The following DIP2A variants were observed in gnomAD, a reference collection of about 807,000 sequenced individuals.
DIP2A encodes the protein DIP2 acetate--CoA ligase A.
DIP2A carries 85 observed loss-of-function variants against 177.4 expected under a neutral mutation model. That is an observed-to-expected ratio of 0.48 (90% CI 0.40 to 0.57). The LOEUF (loss-of-function observed/expected upper bound fraction) is 0.57. Ranked by LOEUF, DIP2A falls within the 20% of genes least tolerant of loss-of-function variation. The pLI, the probability that DIP2A is intolerant of heterozygous loss-of-function variation, is 0.00. For missense variants in DIP2A, 1,791 were observed against 2,100.2 expected, an observed-to-expected ratio of 0.85 and a Z score of 2.88; for synonymous variants, 886 against 881.8, an observed-to-expected ratio of 1.00 and a Z score of -0.08.
intron 3 of DIP2A, among the ~76,000 whole-genome samples, chr21:46,491,041 T>A (rs2056985651): frequency 6.6e-6 from 1 of 152,348 alleles, no homozygotes; most frequent in African/African-American, 2.4e-5. Flanking sequence ...TTGAAGTTGA[T>A]ACTAATAATT....
intron 16 of DIP2A, chr21:46,539,490 G>A (rs2059716338): frequency 9.3e-6 from 3 of 321,158 alleles, no homozygotes; most frequent in African/African-American, 2.2e-5. Flanking sequence ...CAGGCGCACC[G>A]CCACTCCGTG....
intron 1 of DIP2A, among the ~76,000 whole-genome samples, chr21:46,466,952 A>G (rs767823830): frequency 6.6e-6 from 1 of 152,190 alleles, no homozygotes; most frequent in Non-Finnish European, 1.5e-5. Context: ...TTTTATTTTT[A>G]GTAAAAAATA....
chr21:46,464,279 G>C (rs1158626537), intron 1 of DIP2A, among the ~76,000 whole-genome samples: 4 of 151,936 alleles, frequency 2.6e-5, no homozygotes, highest in African/African-American at 9.7e-5. Context: ...TGTAATCCCA[G>C]CTACTTGGGA....
rs923607317 is a variant in DIP2A, at chr21:46,557,449, A to AC, written c.3630-129dup. On this transcript the variant is annotated intron_variant, in intron 30 of 37. Coordinates refer to ENST00000417564, the MANE Select transcript of DIP2A (RefSeq NM_015151.4). The surrounding 1 kb of genome is among the most constrained non-coding windows in gnomAD (Gnocchi z 6.0). ...CACCCTGTGGCATGTTTTCCACCAA[A>AC]CCCCCCCACTTGGCGTCAGAACAGA... The AC allele has an allele frequency of 3.1e-5, 35 of 1,120,870 alleles. No homozygotes were observed. Among genetic ancestry groups the AC allele is most frequent in the East Asian group, 1.3e-4 (5 of 38,236 alleles). The allele number at this position is 1,120,870 out of a possible 1,614,324, so 69.4% of individuals were successfully genotyped here.
At chr21:46,495,249 TCTC>T (rs2057283888) in intron 3 of DIP2A, among the ~76,000 whole-genome samples, 4 of 89,790 alleles carry the variant, frequency 4.5e-5, no homozygotes, top group African/African-American at 7.1e-5. Context: ...CTTCTTTCTC[TCTC>T]TCTCTCTCTC....
intron 18 of DIP2A, among the ~76,000 whole-genome samples, chr21:46,542,125 A>T (rs1569075488): frequency 6.6e-6 from 1 of 152,156 alleles, no homozygotes; most frequent in East Asian, 1.9e-4. Context: ...ATACAAGTAA[A>T]AGATTTCTCA....
At chr21:46,565,974 C>T (rs912696810) in intron 36 of DIP2A, 87 bp downstream of exon 36, 1 of 1,468,456 alleles carries the variant, frequency 6.8e-7, no homozygotes, top group Non-Finnish European at 9.4e-7. Context: ...TAGCACACCT[C>T]ACTCCTTGCT....
chr21:46,475,467 T>C (rs1003033328), intron 1 of DIP2A, among the ~76,000 whole-genome samples: 1 of 152,220 alleles, frequency 6.6e-6, no homozygotes. Flanking sequence ...ATGAGTACTG[T>C]AGAAAATATG....
rs904462503 is a variant in DIP2A, at chr21:46,554,816, A to G, written c.3277-6A>G. ...GCCCACCCACCCTTGGCCCCTCGCCATGCAGGTCAGCAAGTCTGCATGCGT... is the reference window on the plus strand; with the variant it reads ...GCCCACCCACCCTTGGCCCCTCGCCGTGCAGGTCAGCAAGTCTGCATGCGT... On this transcript the variant is annotated splice_polypyrimidine_tract_variant and splice_region_variant and intron_variant, in intron 27 of 37. Coordinates refer to ENST00000417564, the MANE Select transcript of DIP2A (RefSeq NM_015151.4). 2 of 534,984 alleles carry G rather than the reference A, an allele frequency of 3.7e-6. No individual in the cohort carries two copies. Among genetic ancestry groups the G allele is most frequent in the Non-Finnish European group, 2.7e-6 (1 of 371,362 alleles). 33.1% of individuals were successfully genotyped at this position (534,984 alleles called of 1,614,324 possible). A position where few individuals can be genotyped will look rare whatever the true frequency, so the allele number is the denominator to read the frequency against.
At chr21:46,468,029 C>T (rs1010386676) in intron 1 of DIP2A, among the ~76,000 whole-genome samples, 3 of 151,556 alleles carry the variant, frequency 2.0e-5, no homozygotes, top group Non-Finnish European at 2.9e-5. Context: ...TTTGGGAGGC[C>T]GAGGTAGACG....
chr21:46,520,913 C>G (rs993144366), intron 8 of DIP2A, among the ~76,000 whole-genome samples: 2 of 152,044 alleles, frequency 1.3e-5, no homozygotes, highest in Admixed American at 6.5e-5. Context: ...GACCTAATAT[C>G]TAAAAGATTA....
chr21:46,549,492 C>T (rs1378238827), intron 21 of DIP2A, among the ~76,000 whole-genome samples: 1 of 152,172 alleles, frequency 6.6e-6, no homozygotes, highest in East Asian at 1.9e-4. Context: ...AGGAAATTTA[C>T]ATCAGATTAA....
chr21:46,554,941 T>A lies in DIP2A; in HGVS notation c.3388+8T>A. On this transcript the variant is annotated splice_region_variant and intron_variant, in intron 28 of 37. Coordinates refer to ENST00000417564, the MANE Select transcript of DIP2A (RefSeq NM_015151.4). ...CCACCATCCTAGACACAGGTGCGTG[T>A]CCTCGCACTGCCCAGGACCAGTCCC... 6.5e-7 allele frequency: 1 copy of A among 1,549,942 alleles called. No homozygotes were observed. Among genetic ancestry groups the A allele is most frequent in the African/African-American group, 1.4e-5 (1 of 73,144 alleles).
At chr21:46,470,273 G>A (rs146303156) in intron 1 of DIP2A, among the ~76,000 whole-genome samples, 4 of 152,110 alleles carry the variant, frequency 2.6e-5, no homozygotes, top group Non-Finnish European at 5.9e-5. Flanking sequence ...TTGGGAGTTC[G>A]AGACCAGCCT....
chr21:46,509,983 A>G (rs2058226694), intron 7 of DIP2A, among the ~76,000 whole-genome samples: 1 of 152,146 alleles, frequency 6.6e-6, no homozygotes, highest in African/African-American at 2.4e-5. Flanking sequence ...TCAGGAGATT[A>G]TTTCCCCGTT....
chr21:46,542,692 C>G (rs1004984007), intron 18 of DIP2A, among the ~76,000 whole-genome samples: 5 of 152,248 alleles, frequency 3.3e-5, no homozygotes, highest in Non-Finnish European at 7.3e-5. Flanking sequence ...CTTCAGCTTT[C>G]CTGCCTCCCT....
Position 46,537,658 on chromosome 21 carries a change from C to CCACA in DIP2A, c.1801+119_1801+120insCACA. ...GGAACTGCAGATGTAGGCTGAAGAGCTGTGGGACGTCTTTCTTGGTCACAC... is the reference window on the plus strand; with the variant it reads ...GGAACTGCAGATGTAGGCTGAAGAGCCACATGTGGGACGTCTTTCTTGGTCACAC... On this transcript the variant is annotated intron_variant, in intron 15 of 37. Coordinates refer to ENST00000417564, the MANE Select transcript of DIP2A (RefSeq NM_015151.4). The surrounding 1 kb of genome is among the most constrained non-coding windows in gnomAD (Gnocchi z 4.1). The CCACA allele has an allele frequency of 1.0e-6, 1 of 974,326 alleles. No individual in the cohort carries two copies. Among genetic ancestry groups the CCACA allele is most frequent in the South Asian group, 1.6e-5 (1 of 63,778 alleles). The allele number at this position is 974,326 out of a possible 1,614,324, so 60.4% of individuals were successfully genotyped here.
chr21:46,497,751 T>C (rs2839294), intron 4 of DIP2A, among the ~76,000 whole-genome samples: 8,804 of 152,242 alleles, frequency 0.058, 331 homozygotes, highest in Non-Finnish European at 0.082. Flanking sequence ...TTTGAGGTAT[T>C]TGGAGATACT....
At chr21:46,472,392 A>G (rs1391707134) in intron 1 of DIP2A, among the ~76,000 whole-genome samples, 2 of 152,240 alleles carry the variant, frequency 1.3e-5, no homozygotes, top group African/African-American at 2.4e-5. Flanking sequence ...TTGTTTAACA[A>G]CATTCAACAG....
Sources: allele counts gnomAD v4.1 joint callset (sites outside exome capture counted in the v4.1 genomes callset), GRCh38; gene constraint gnomAD v4.1.1; non-coding constraint Gnocchi (gnomAD v3.1); transcripts MANE v1.5; gene names NCBI Gene and HGNC (gene_info 2026-07-23, HGNC 2026-07-21).